Variants in OLFM3 observed in about 807,000 individuals in gnomAD.
OLFM3 encodes the protein noelin-3.
A neutral mutation model predicts 48.6 loss-of-function variants in OLFM3; 20 were observed. The ratio of observed to expected loss-of-function variants is 0.41; its 90% CI spans 0.29 to 0.60. The LOEUF (loss-of-function observed/expected upper bound fraction) is 0.60. Among genes scored for constraint, OLFM3 ranks in the 20% least tolerant of loss-of-function variants. The pLI, the probability that OLFM3 is intolerant of heterozygous loss-of-function variation, is 0.28. For missense variants in OLFM3, 437 were observed against 544.3 expected (o/e 0.80, Z 1.96); for synonymous variants, 222 against 198.1 (o/e 1.12, Z -1.01).
intron 1 of OLFM3, among the ~76,000 whole-genome samples, chr1:101,937,574 TTGTC>T (rs1659662978): frequency 6.6e-6 from 1 of 152,136 alleles, no homozygotes; most frequent in African/African-American, 2.4e-5. Flanking sequence ...AGCTCTCTAT[TTGTC>T]TGCTGCCATG....
At chr1:101,933,893 T>C (rs1018516881) in intron 1 of OLFM3, among the ~76,000 whole-genome samples, 1 of 152,106 alleles carries the variant, frequency 6.6e-6, no homozygotes, top group Admixed American at 6.6e-5. Flanking sequence ...AGAAATAAAA[T>C]CCTTTTCAGA....
At chr1:101,884,837 C>T (rs939487680) in intron 1 of OLFM3, among the ~76,000 whole-genome samples, 1 of 151,940 alleles carries the variant, frequency 6.6e-6, no homozygotes, top group African/African-American at 2.4e-5. Flanking sequence ...CCTGGCCACC[C>T]GCAACCCCAT....
rs564952490 is a variant in OLFM3, at chr1:101,836,445, A to T, written c.216+434T>A. Among the ~76,000 whole-genome samples the T allele has an allele frequency of 2.0e-5, 3 of 152,358 alleles. No individual in the cohort carries two copies. The South Asian group carries it at 6.2e-4, about 32-fold the overall frequency. On this transcript the variant is annotated intron_variant, in intron 2 of 5. Coordinates refer to ENST00000370103, the MANE Select transcript of OLFM3 (RefSeq NM_058170.4). Reference sequence around the variant, plus strand: ...TAGAGAATGATGATAAACACTTGGAATTATTCATTATCTGTCCAGATAGCT... The same window carrying T: ...TAGAGAATGATGATAAACACTTGGATTTATTCATTATCTGTCCAGATAGCT...
At chr1:101,860,516 C>A (rs1430621832) in intron 1 of OLFM3, among the ~76,000 whole-genome samples, 1 of 151,896 alleles carries the variant, frequency 6.6e-6, no homozygotes, top group Admixed American at 6.5e-5. Context: ...CTCTTTTATT[C>A]TTTTGATATC....
At chr1:101,976,457 A>G (rs1660954564) in intron 1 of OLFM3, among the ~76,000 whole-genome samples, 2 of 152,216 alleles carry the variant, frequency 1.3e-5, no homozygotes, top group African/African-American at 4.8e-5. Context: ...AAAAGAGACA[A>G]TTACACACGG....
intron 1 of OLFM3, among the ~76,000 whole-genome samples, chr1:101,969,505 G>A (rs1430000538): frequency 1.3e-5 from 2 of 151,852 alleles, no homozygotes; most frequent in Non-Finnish European, 2.9e-5. Flanking sequence ...CAAAGCATTA[G>A]GTACTCAATA....
chr1:101,941,831 T>C (rs1483642455), intron 1 of OLFM3, among the ~76,000 whole-genome samples: 1 of 152,192 alleles, frequency 6.6e-6, no homozygotes, highest in Non-Finnish European at 1.5e-5. Context: ...AGCTGTGTAG[T>C]AACTCCAGGC....
rs1656753082 is a variant in OLFM3 at position 101,863,830 on chromosome 1, C to A, written c.70-26805G>T. Among the ~76,000 whole-genome samples, 3 of 152,068 alleles carry A rather than the reference C, an allele frequency of 2.0e-5. No homozygotes were observed. In the South Asian group the frequency reaches 6.2e-4, roughly 31 times the overall value. ...ATTTTTCAATTATGATAATATATAT[C>A]TCAGTGATAAATCAAATTAAAATTT... On this transcript the variant is annotated intron_variant, in intron 1 of 5. Transcript: ENST00000370103.
intron 1 of OLFM3, among the ~76,000 whole-genome samples, chr1:101,852,061 T>A (rs1656242450): frequency 6.6e-6 from 1 of 152,052 alleles, no homozygotes; most frequent in Non-Finnish European, 1.5e-5. Context: ...TATTTCCTCT[T>A]TTTCCAACGT....
chr1:101,895,119 C>T (rs1658148806), intron 1 of OLFM3, among the ~76,000 whole-genome samples: 1 of 152,040 alleles, frequency 6.6e-6, no homozygotes, highest in Admixed American at 6.6e-5. Flanking sequence ...TTTTTAAACC[C>T]TTTCTAAGAG....
intron 1 of OLFM3, among the ~76,000 whole-genome samples, chr1:101,980,444 G>A (rs957474582): frequency 6.6e-6 from 1 of 152,146 alleles, no homozygotes; most frequent in Non-Finnish European, 1.5e-5. Context: ...TTTCATGATA[G>A]TGAGTGAGTT....
At chr1:101,824,893 C>A (rs760740795) in intron 4 of OLFM3, 133 bp downstream of exon 4, 32 of 754,792 alleles carry the variant, frequency 4.2e-5, no homozygotes, top group Middle Eastern at 3.8e-4. Context: ...TTAGGGGACA[C>A]TTCACACTTA....
At chr1:101,892,165 G>T (rs1390683991) in intron 1 of OLFM3, among the ~76,000 whole-genome samples, 1 of 151,988 alleles carries the variant, frequency 6.6e-6, no homozygotes, top group Non-Finnish European at 1.5e-5. Context: ...AAATGATTCT[G>T]CAATTTATTT....
chr1:101,990,557 G>A (rs984527029), intron 1 of OLFM3, among the ~76,000 whole-genome samples: 4 of 152,058 alleles, frequency 2.6e-5, no homozygotes, highest in African/African-American at 7.2e-5. Context: ...AACTCACTAC[G>A]GAAAAGTTGT....
intron 1 of OLFM3, among the ~76,000 whole-genome samples, chr1:101,932,850 G>A (rs1659485124): frequency 6.6e-6 from 1 of 152,036 alleles, no homozygotes; most frequent in Middle Eastern, 3.2e-3. Context: ...TAGAAACAAA[G>A]ATCATCAACA....
chr1:101,979,460 C>A (rs1661045390), intron 1 of OLFM3, among the ~76,000 whole-genome samples: 1 of 152,200 alleles, frequency 6.6e-6, no homozygotes, highest in Admixed American at 6.5e-5. Context: ...GATGAGTTCT[C>A]ATGAGATCTG....
chr1:101,833,994 G>T (rs143885310), intron 2 of OLFM3, among the ~76,000 whole-genome samples: 34 of 152,034 alleles, frequency 2.2e-4, no homozygotes, highest in African/African-American at 8.0e-4. Context: ...AACTGTACAG[G>T]GAAGCTACAT....
intron 1 of OLFM3, among the ~76,000 whole-genome samples, chr1:101,870,586 T>C (rs947355199): frequency 6.6e-6 from 1 of 152,156 alleles, no homozygotes; most frequent in South Asian, 2.1e-4. Flanking sequence ...CTAATGCCTC[T>C]GTACCCTTAG....
chr1:101,835,509 T>C (rs1405179365), intron 2 of OLFM3, among the ~76,000 whole-genome samples: 1 of 152,164 alleles, frequency 6.6e-6, no homozygotes, highest in Non-Finnish European at 1.5e-5. Flanking sequence ...AGATGGTGTT[T>C]TGCCATGTTG....
Sources: allele counts gnomAD v4.1 joint callset (sites outside exome capture counted in the v4.1 genomes callset), GRCh38; gene constraint gnomAD v4.1.1; transcripts MANE v1.5; gene names NCBI Gene and HGNC (gene_info 2026-07-23, HGNC 2026-07-21).